Variants in FNDC3B observed in about 807,000 individuals in gnomAD.
The protein encoded by FNDC3B is fibronectin type III domain containing 3B.
In FNDC3B, 12 loss-of-function variants were observed where a neutral mutation model predicts 151.5. That is an observed-to-expected ratio of 0.08 (90% confidence interval 0.05 to 0.13). FNDC3B has a LOEUF of 0.13. Among genes scored for constraint, FNDC3B ranks in the 10% least tolerant of loss-of-function variants. The probability of loss-of-function intolerance (pLI) is 1.00; values close to 1 mark genes in which losing one functional copy is unlikely to be tolerated. For synonymous variants in FNDC3B, 528 were observed against 549.0 expected, an observed-to-expected ratio of 0.96 and a Z score of 0.54; for missense variants, 1,214 against 1,505.3, an observed-to-expected ratio of 0.81 and a Z score of 3.20.
chr3:172,284,164 G>A (rs753566326), intron 6 of FNDC3B, among the ~76,000 whole-genome samples: 11 of 152,154 alleles, frequency 7.2e-5, no homozygotes, highest in Non-Finnish European at 1.0e-4. Flanking sequence ...TGGGTGCTGC[G>A]GGTAAATGGT....
intron 1 of FNDC3B, among the ~76,000 whole-genome samples, chr3:172,058,940 T>G (rs1717048360): frequency 6.6e-6 from 1 of 152,128 alleles, no homozygotes; most frequent in Admixed American, 6.6e-5. Flanking sequence ...ACCAAGAAAG[T>G]TTTATGAACA....
chr3:172,100,981 A>T (rs1193873137), intron 1 of FNDC3B, among the ~76,000 whole-genome samples: 1 of 152,250 alleles, frequency 6.6e-6, no homozygotes, highest in Non-Finnish European at 1.5e-5. Context: ...ATATTTAAGT[A>T]TAAATAGGAG....
In FNDC3B at chr3:172,392,798, C is replaced by CTTTTT. The variant is rs11450405; in HGVS notation, c.3304-4359_3304-4355dup. On this transcript the variant is annotated intron_variant, in intron 25 of 25. Coordinates refer to ENST00000415807, the MANE Select transcript of FNDC3B (RefSeq NM_022763.4). ...GACAAAGTAACTGAATGAATTTTTT[C>CTTTTT]TTTTTTTTTTTCTTTTTTTTTTTTC... Among the ~76,000 whole-genome samples the CTTTTT allele has an allele frequency of 4.4e-4, 38 of 86,270 alleles. 1 individual carries two copies. The highest frequency in any genetic ancestry group is 7.7e-4 in the African/African-American group (22 of 28,710). 56.6% of individuals were successfully genotyped at this position (86,270 alleles called of 152,430 possible). A position where few individuals can be genotyped will look rare whatever the true frequency, so the allele number is the denominator to read the frequency against.
chr3:172,147,588 G>C (rs1301397239), intron 3 of FNDC3B, among the ~76,000 whole-genome samples: 4 of 152,094 alleles, frequency 2.6e-5, no homozygotes, highest in African/African-American at 9.7e-5. Context: ...AGGTAGTCTC[G>C]GTTCTCAAAA....
intron 4 of FNDC3B, among the ~76,000 whole-genome samples, chr3:172,232,119 G>C (rs1337250432): frequency 6.6e-6 from 1 of 151,956 alleles, no homozygotes; most frequent in East Asian, 1.9e-4. Flanking sequence ...GACTTCAAGT[G>C]ATTCACCTGC....
rs1733484843 is a variant in FNDC3B, at chr3:172,344,128, G to A, written c.2120G>A (p.Ser707Asn). 2.5e-6 allele frequency: 4 copies of A among 1,614,184 alleles called. No individual in the cohort carries two copies. The highest frequency in any genetic ancestry group is 1.1e-5 in the South Asian group (1 of 91,082). The change falls in exon 19 of 26, where the codon AGC becomes AAC. Residue 707 changes from serine (S) to asparagine (N), a missense_variant. Physicochemically the swap from Ser to Asn is conservative, Grantham distance 46. Coordinates refer to ENST00000415807, the MANE Select transcript of FNDC3B (RefSeq NM_022763.4). Reference sequence around the variant, plus strand: ...AGTGGCTGTGAGGTCTCAGAGTACAGCGTGGAGATGACGGAGCCCGAAGAC... The same window carrying A: ...AGTGGCTGTGAGGTCTCAGAGTACAACGTGGAGATGACGGAGCCCGAAGAC... Reference protein sequence around the residue: ...SESGCEVSEYSVEMTEPEDVA... With the variant: ...SESGCEVSEYNVEMTEPEDVA...
chr3:172,388,202 C>T (rs1308333471), intron 25 of FNDC3B, among the ~76,000 whole-genome samples: 1 of 152,116 alleles, frequency 6.6e-6, no homozygotes, highest in Non-Finnish European at 1.5e-5. Context: ...CTCCAGCAGC[C>T]GAGTATGCAC....
At chr3:172,161,019 T>G (rs1722738878) in intron 3 of FNDC3B, among the ~76,000 whole-genome samples, 1 of 152,200 alleles carries the variant, frequency 6.6e-6, no homozygotes, top group Non-Finnish European at 1.5e-5. Flanking sequence ...TAATTTTGAA[T>G]TTTACTTTTA....
chr3:172,241,124 A>T (rs1400999204), intron 4 of FNDC3B, among the ~76,000 whole-genome samples: 1 of 152,146 alleles, frequency 6.6e-6, no homozygotes, highest in African/African-American at 2.4e-5. Flanking sequence ...CAGAGGCTAA[A>T]CGTATCACTT....
At chr3:172,348,606 G>T (rs187950381) in intron 21 of FNDC3B, among the ~76,000 whole-genome samples, 94 of 152,260 alleles carry the variant, frequency 6.2e-4, no homozygotes, top group Admixed American at 1.6e-3. Flanking sequence ...CTCCATTATG[G>T]TTTTTGAGTT....
At chr3:172,176,844 G>A (rs1196241258) in intron 3 of FNDC3B, among the ~76,000 whole-genome samples, 1 of 152,274 alleles carries the variant, frequency 6.6e-6, no homozygotes, top group South Asian at 2.1e-4. Context: ...CACTGCAATA[G>A]GGTCTTGCAG....
At chr3:172,133,141 G>A (rs905763316) in intron 2 of FNDC3B, among the ~76,000 whole-genome samples, 1 of 152,148 alleles carries the variant, frequency 6.6e-6, no homozygotes, top group African/African-American at 2.4e-5. Context: ...CTGTAAGTAT[G>A]GTTTCTGGTG....
chr3:172,260,238 T>C (rs569118108), intron 6 of FNDC3B, among the ~76,000 whole-genome samples: 8 of 152,250 alleles, frequency 5.3e-5, no homozygotes, highest in Non-Finnish European at 8.8e-5. Flanking sequence ...GTTATTTCTT[T>C]CATTTAGCTA....
intron 3 of FNDC3B, among the ~76,000 whole-genome samples, chr3:172,140,528 G>A (rs887919024): frequency 2.6e-5 from 4 of 152,290 alleles, no homozygotes; most frequent in African/African-American, 7.2e-5. Flanking sequence ...CATTCCATAC[G>A]CTGACCTGAG....
intron 8 of FNDC3B, among the ~76,000 whole-genome samples, chr3:172,297,668 G>A (rs575898818): frequency 7.9e-5 from 12 of 152,110 alleles, no homozygotes; most frequent in African/African-American, 2.7e-4. Context: ...TAGAGACGGG[G>A]TTTCACCGTG....
chr3:172,119,280 T>C (rs1294257059), intron 2 of FNDC3B, among the ~76,000 whole-genome samples: 2 of 151,594 alleles, frequency 1.3e-5, no homozygotes, highest in Admixed American at 6.6e-5. Context: ...AAATGTCTTA[T>C]ATGCTGGCAG....
At chr3:172,354,901 A>T (rs1734018370) in intron 22 of FNDC3B, among the ~76,000 whole-genome samples, 1 of 146,972 alleles carries the variant, frequency 6.8e-6, no homozygotes, top group African/African-American at 2.5e-5. Flanking sequence ...TTCAGCAGTT[A>T]CATATTGTTC....
At chr3:172,207,002 T>C (rs1328863241) in intron 3 of FNDC3B, among the ~76,000 whole-genome samples, 1 of 152,206 alleles carries the variant, frequency 6.6e-6, no homozygotes, top group Non-Finnish European at 1.5e-5. Flanking sequence ...TTGGACCTGT[T>C]TTTGCCTATT....
At chr3:172,303,298 G>A (rs1731027179) in intron 9 of FNDC3B, among the ~76,000 whole-genome samples, 2 of 152,290 alleles carry the variant, frequency 1.3e-5, no homozygotes, top group Middle Eastern at 3.4e-3. Flanking sequence ...CAGTTTTCTA[G>A]TCATCCGCCT....
Sources: allele counts gnomAD v4.1 joint callset (sites outside exome capture counted in the v4.1 genomes callset), GRCh38; gene constraint gnomAD v4.1.1; transcripts MANE v1.5; gene names NCBI Gene and HGNC (gene_info 2026-07-23, HGNC 2026-07-21).